The following IGF2BP2 variants were observed in gnomAD, a reference collection of about 807,000 sequenced individuals.
IGF2BP2 encodes the protein insulin like growth factor 2 mRNA binding protein 2.
A neutral mutation model predicts 75.8 loss-of-function variants in IGF2BP2; 17 were observed. That is an observed-to-expected ratio of 0.22 (90% CI 0.15 to 0.34). The LOEUF is 0.34. IGF2BP2 is among the 10% of genes least tolerant of loss of function. The probability of loss-of-function intolerance (pLI) is 1.00; values close to 1 mark genes in which losing one functional copy is unlikely to be tolerated. For missense variants in IGF2BP2, 516 were observed against 772.4 expected (o/e 0.67, Z 3.93); for synonymous variants, 288 against 295.6 (o/e 0.97, Z 0.26).
At chr3:185,802,282 A>G (rs1484881752) in intron 2 of IGF2BP2, among the ~76,000 whole-genome samples, 1 of 92,786 alleles carries the variant, frequency 1.1e-5, no homozygotes, top group East Asian at 2.6e-4. Context: ...TCCTCATTCC[A>G]GCTTAACACA....
At chr3:185,739,844 T>TTCCCCCCCCCCCCCCCCCC (rs1560389615) in intron 2 of IGF2BP2, among the ~76,000 whole-genome samples, 1 of 54,228 alleles carries the variant, frequency 1.8e-5, no homozygotes, top group African/African-American at 7.5e-5. Context: ...TTTTTTTCCC[T>TTCCCCCCCCCCCCCCCCCC]CCCCCCCACC....
chr3:185,765,557 T>C (rs1732923406), intron 2 of IGF2BP2, among the ~76,000 whole-genome samples: 1 of 152,032 alleles, frequency 6.6e-6, no homozygotes, highest in Non-Finnish European at 1.5e-5. Context: ...TGTACCTACA[T>C]CACACTCTAC....
intron 10 of IGF2BP2, among the ~76,000 whole-genome samples, chr3:185,666,658 A>T (rs940104651): frequency 7.9e-5 from 12 of 152,000 alleles, no homozygotes; most frequent in East Asian, 3.8e-4. Context: ...AAATATTTTT[A>T]AAAAAAGAAA....
intron 10 of IGF2BP2, among the ~76,000 whole-genome samples, chr3:185,662,495 A>C (rs1437088225): frequency 7.1e-6 from 1 of 140,678 alleles, no homozygotes; most frequent in African/African-American, 2.7e-5. Flanking sequence ...AAAAAAGACA[A>C]AAAAAAAAAA....
At chr3:185,727,870 C>T (rs902828775) in intron 2 of IGF2BP2, among the ~76,000 whole-genome samples, 2 of 152,240 alleles carry the variant, frequency 1.3e-5, no homozygotes, top group African/African-American at 4.8e-5. Flanking sequence ...TACCCAAGGC[C>T]ATGCAGCTAG....
At chr3:185,804,270 A>G (rs1458159211) in intron 2 of IGF2BP2, among the ~76,000 whole-genome samples, 1 of 151,556 alleles carries the variant, frequency 6.6e-6, no homozygotes. Flanking sequence ...AAAAAAAAAA[A>G]AAAATACAAA....
chr3:185,821,150 T>G (rs777049353), intron 2 of IGF2BP2: 150 of 1,466,972 alleles, frequency 1.0e-4, no homozygotes, highest in Non-Finnish European at 1.3e-4. Flanking sequence ...AGTAGCTAAT[T>G]TCTGCATTTA....
At chr3:185,730,157 C>T (rs1387811790) in intron 2 of IGF2BP2, among the ~76,000 whole-genome samples, 1 of 152,068 alleles carries the variant, frequency 6.6e-6, no homozygotes, top group African/African-American at 2.4e-5. Flanking sequence ...CCAGTGTCTG[C>T]TATTTTCATC....
At chr3:185,815,410 G>T (rs1740468553) in intron 2 of IGF2BP2, among the ~76,000 whole-genome samples, 1 of 152,146 alleles carries the variant, frequency 6.6e-6, no homozygotes, top group Admixed American at 6.5e-5. Context: ...CATTGCTAAG[G>T]TTCTGTTGCA....
chr3:185,661,479 A>C (rs1187156048), intron 10 of IGF2BP2, among the ~76,000 whole-genome samples: 1 of 151,982 alleles, frequency 6.6e-6, no homozygotes, highest in African/African-American at 2.4e-5. Flanking sequence ...GCTAGCAAAA[A>C]TACAAAAATT....
chr3:185,687,558 T>G (rs1334205556), intron 6 of IGF2BP2, among the ~76,000 whole-genome samples: 1 of 152,216 alleles, frequency 6.6e-6, no homozygotes, highest in East Asian at 1.9e-4. Context: ...ATTGGCACAG[T>G]GCCGGTCTCT....
At chr3:185,725,333 C>T (rs767558748) in intron 2 of IGF2BP2, among the ~76,000 whole-genome samples, 1 of 152,146 alleles carries the variant, frequency 6.6e-6, no homozygotes. Flanking sequence ...GCAAGATGTA[C>T]GCTTCCAGAA....
At chr3:185,754,128 G>C (rs1047656724) in intron 2 of IGF2BP2, among the ~76,000 whole-genome samples, 1 of 152,170 alleles carries the variant, frequency 6.6e-6, no homozygotes, top group East Asian at 1.9e-4. Context: ...AGAATTGCTT[G>C]AGCCCAGGAG....
chr3:185,676,008 AT>A, intron 7 of IGF2BP2, 95 bp from the exon 8 acceptor site: 1 of 1,490,330 alleles, frequency 6.7e-7, no homozygotes. Context: ...AATGGAAGTC[AT>A]TTTGTTCAGG....
chr3:185,652,691 G>A (rs912562087), intron 12 of IGF2BP2, among the ~76,000 whole-genome samples: 2 of 152,156 alleles, frequency 1.3e-5, no homozygotes, highest in African/African-American at 2.4e-5. Flanking sequence ...CTTCCTCCAC[G>A]GCAAGTGGGT....
chr3:185,751,537 T>C (rs1286283156), intron 2 of IGF2BP2, among the ~76,000 whole-genome samples: 5 of 146,634 alleles, frequency 3.4e-5, no homozygotes, highest in Admixed American at 6.8e-5. Context: ...GCTACTAGTA[T>C]TCTCCTGCTG....
intron 2 of IGF2BP2, among the ~76,000 whole-genome samples, chr3:185,772,668 G>A (rs1446973465): frequency 7.0e-6 from 1 of 143,488 alleles, no homozygotes; most frequent in Non-Finnish European, 1.5e-5. Context: ...TGCAAACTCT[G>A]CCTCCCAGAT....
At chr3:185,652,940 T>C (rs543684638) in intron 12 of IGF2BP2, among the ~76,000 whole-genome samples, 1 of 152,282 alleles carries the variant, frequency 6.6e-6, no homozygotes, top group Non-Finnish European at 1.5e-5. Flanking sequence ...GCCTCCCAAG[T>C]AGCTAGGACT....
At chr3:185,727,698 T>A (rs1727552468) in intron 2 of IGF2BP2, among the ~76,000 whole-genome samples, 1 of 152,198 alleles carries the variant, frequency 6.6e-6, no homozygotes, top group Non-Finnish European at 1.5e-5. Context: ...TTGAATATTA[T>A]AAATTAGATG....
Sources: allele counts gnomAD v4.1 joint callset (sites outside exome capture counted in the v4.1 genomes callset), GRCh38; gene constraint gnomAD v4.1.1; transcripts MANE v1.5; gene names NCBI Gene and HGNC (gene_info 2026-07-23, HGNC 2026-07-21).